DCBLD2: variants seen among roughly 807,000 people sequenced by gnomAD.
DCBLD2 encodes the protein discoidin, CUB and LCCL domain-containing protein 2.
Under a neutral mutation model 86.8 loss-of-function variants are expected in DCBLD2, and 54 were observed. That is an observed-to-expected ratio of 0.62 (90% CI 0.50 to 0.78). The LOEUF is 0.78. Ranked by LOEUF, DCBLD2 falls within the 30% of genes least tolerant of loss-of-function variation. DCBLD2 has a pLI of 0.00. For missense variants in DCBLD2, 908 were observed against 954.2 expected, an observed-to-expected ratio of 0.95 and a Z score of 0.64; for synonymous variants, 354 against 341.3, an observed-to-expected ratio of 1.04 and a Z score of -0.41.
Position 98,894,846 on chromosome 3 carries a change from A to G in DCBLD2, c.205+6276T>C, listed in dbSNP as rs1180273075. The stretch of plus-strand genomic sequence containing the variant: ...CATAATTTGAATGACAGACACTATG[A>G]TAAGTATTAGAAATAAGAAAATGAA... On this transcript the variant is annotated intron_variant, in intron 1 of 15. Coordinates refer to ENST00000326840, the MANE Select transcript of DCBLD2 (RefSeq NM_080927.4). Among the ~76,000 whole-genome samples, 6 of 152,286 alleles carry G rather than the reference A, an allele frequency of 3.9e-5. No homozygotes were observed. In the East Asian group the frequency reaches 5.8e-4, roughly 15 times the overall value.
chr3:98,809,438 T>C (rs1429264857), intron 12 of DCBLD2, among the ~76,000 whole-genome samples: 1 of 151,886 alleles, frequency 6.6e-6, no homozygotes, highest in African/African-American at 2.4e-5. Flanking sequence ...GAGAGGTAGA[T>C]CGAGGGGAAC....
intron 3 of DCBLD2, among the ~76,000 whole-genome samples, chr3:98,848,987 T>C (rs1942779777): frequency 6.6e-6 from 1 of 152,048 alleles, no homozygotes; most frequent in Non-Finnish European, 1.5e-5. Context: ...CTGGCCAACA[T>C]GTAGAAACCC....
intron 2 of DCBLD2, among the ~76,000 whole-genome samples, chr3:98,862,949 C>T (rs1427841816): frequency 6.6e-6 from 1 of 152,160 alleles, no homozygotes; most frequent in Non-Finnish European, 1.5e-5. Context: ...TTGCAGATGA[C>T]ATGATTGTAT....
At chr3:98,824,711 G>T (rs1942185948) in intron 4 of DCBLD2, among the ~76,000 whole-genome samples, 1 of 152,054 alleles carries the variant, frequency 6.6e-6, no homozygotes, top group South Asian at 2.1e-4. Context: ...ATGGCCTGAG[G>T]ACTGCTTGTG....
At chr3:98,898,834 G>A (rs1025709053) in intron 1 of DCBLD2, among the ~76,000 whole-genome samples, 5 of 152,090 alleles carry the variant, frequency 3.3e-5, no homozygotes, top group African/African-American at 4.8e-5. Flanking sequence ...TCAAATAATT[G>A]TGAGTTTTCA....
At chr3:98,848,377 G>A (rs543446738) in intron 3 of DCBLD2, among the ~76,000 whole-genome samples, 1 of 151,358 alleles carries the variant, frequency 6.6e-6, no homozygotes, top group East Asian at 1.9e-4. Context: ...TATCACTGAT[G>A]GGCATTTAAG....
chr3:98,845,685 C>G (rs1331659114), intron 3 of DCBLD2, among the ~76,000 whole-genome samples: 1 of 152,174 alleles, frequency 6.6e-6, no homozygotes, highest in Admixed American at 6.5e-5. Context: ...TAGGAAAAAG[C>G]TCCAACCCTT....
intron 2 of DCBLD2, among the ~76,000 whole-genome samples, chr3:98,858,562 C>T (rs556268007): frequency 1.3e-5 from 2 of 152,332 alleles, no homozygotes; most frequent in South Asian, 2.1e-4. Flanking sequence ...AGGATTACCT[C>T]ACACTAAAAT....
At chr3:98,899,525 C>T (rs1418577224) in intron 1 of DCBLD2, among the ~76,000 whole-genome samples, 8 of 152,136 alleles carry the variant, frequency 5.3e-5, no homozygotes. Context: ...GCTCGGATTA[C>T]AGGTGTGAGC....
Position 98,803,957 on chromosome 3 carries a change from C to T in DCBLD2, c.1671-2308G>A, listed in dbSNP as rs561233583. Among the ~76,000 whole-genome samples, 9 of 152,238 alleles carry T rather than the reference C, an allele frequency of 5.9e-5. No individual in the cohort carries two copies. The South Asian group carries it at 1.2e-3, about 21-fold the overall frequency. On this transcript the variant is annotated intron_variant, in intron 13 of 15. Coordinates refer to ENST00000326840, the MANE Select transcript of DCBLD2 (RefSeq NM_080927.4). ...CTGGATTCGGTTTGCCAGTATTTTA[C>T]TGAGGATTTTTGCATCGATTTTCAT... is the stretch of plus-strand genomic sequence containing the variant.
At chr3:98,801,880 G>A (rs150241225) in intron 13 of DCBLD2, 101 of 413,442 alleles carry the variant, frequency 2.4e-4, no homozygotes, top group Non-Finnish European at 3.3e-4. Flanking sequence ...ACAAAGGACA[G>A]GAACTCATCA....
rs576062324 is a variant in DCBLD2 at position 98,863,638 on chromosome 3, G to T, written c.434-14040C>A. The stretch of plus-strand genomic sequence containing the variant: ...AAGGATTCCCTATTTAATAAATGGT[G>T]CTGGGAAAACTGGCTAGCCATATGT... On this transcript the variant is annotated intron_variant, in intron 2 of 15. Coordinates refer to ENST00000326840, the MANE Select transcript of DCBLD2 (RefSeq NM_080927.4). Among the ~76,000 whole-genome samples the T allele has an allele frequency of 7.7e-3, 1,167 of 152,252 alleles. 13 individuals are homozygous for T. The highest frequency in any genetic ancestry group is 0.023 in the African/African-American group (943 of 41,544).
chr3:98,838,673 C>A (rs1229597289), intron 3 of DCBLD2, among the ~76,000 whole-genome samples: 1 of 152,116 alleles, frequency 6.6e-6, no homozygotes, highest in Admixed American at 6.5e-5. Context: ...GCAATCTCGG[C>A]ACTTTGGGAG....
At chr3:98,858,859 GTCTA>G (rs1942985987) in intron 2 of DCBLD2, among the ~76,000 whole-genome samples, 2 of 152,156 alleles carry the variant, frequency 1.3e-5, no homozygotes, top group South Asian at 4.1e-4. Context: ...AACAGCTCCA[GTCTA>G]TAGCTCCCAG....
At position 98,807,945 on chromosome 3, in the gene DCBLD2, G is replaced by A. The variant is rs578068977; in HGVS notation, c.1670+136C>T. On this transcript the variant is annotated intron_variant, in intron 13 of 15. Coordinates refer to ENST00000326840, the MANE Select transcript of DCBLD2 (RefSeq NM_080927.4). ...CTTATTTATTTTTAATGGGAATAAA[G>A]GAGAAGCATGAAATTTTCATTTTAA... 26 of 580,806 alleles carry A rather than the reference G, an allele frequency of 4.5e-5. No homozygotes were observed. The Admixed American group carries it at 1.1e-3, about 24-fold the overall frequency. The allele number at this position is 580,806 out of a possible 1,614,324, so 36.0% of individuals were successfully genotyped here.
At chr3:98,836,549 G>C (rs929910641) in intron 3 of DCBLD2, among the ~76,000 whole-genome samples, 20 of 146,990 alleles carry the variant, frequency 1.4e-4, no homozygotes, top group African/African-American at 4.8e-4. Context: ...CACCTTTCCC[G>C]CCTTTCTATT....
intron 1 of DCBLD2, among the ~76,000 whole-genome samples, chr3:98,886,091 A>G (rs951000799): frequency 5.3e-5 from 8 of 151,932 alleles, no homozygotes; most frequent in Non-Finnish European, 1.2e-4. Flanking sequence ...CCAAAGGGTA[A>G]TGCTGTTCTA....
At chr3:98,823,173 A>G (rs2107449881) in intron 4 of DCBLD2, among the ~76,000 whole-genome samples, 1 of 152,268 alleles carries the variant, frequency 6.6e-6, no homozygotes, top group African/African-American at 2.4e-5. Context: ...GTGCCCGGCC[A>G]GGACCACCAG....
chr3:98,861,924 A>C (rs1476451623), intron 2 of DCBLD2, among the ~76,000 whole-genome samples: 1 of 152,186 alleles, frequency 6.6e-6, no homozygotes, highest in Non-Finnish European at 1.5e-5. Flanking sequence ...TCAAAAAATC[A>C]ATGAATCCAG....
Sources: allele counts gnomAD v4.1 joint callset (sites outside exome capture counted in the v4.1 genomes callset), GRCh38; gene constraint gnomAD v4.1.1; transcripts MANE v1.5; gene names NCBI Gene and HGNC (gene_info 2026-07-23, HGNC 2026-07-21).